The following TRIO variants were observed in gnomAD, a reference collection of about 807,000 sequenced individuals.
TRIO encodes the protein trio Rho guanine nucleotide exchange factor.
Under a neutral mutation model 351.9 loss-of-function variants are expected in TRIO, and 58 were observed. The observed-to-expected ratio is 0.16, with a 90% CI of 0.13 to 0.21. The LOEUF is 0.21. TRIO is among the 10% of genes least tolerant of loss of function. The pLI, the probability that TRIO is intolerant of heterozygous loss-of-function variation, is 1.00. For missense variants in TRIO, 3,201 were observed against 4,027.8 expected (o/e 0.79, Z 5.56); for synonymous variants, 1,758 against 1,595.7 (o/e 1.10, Z -2.42).
chr5:14,162,873 C>T (rs1174553115), intron 1 of TRIO, among the ~76,000 whole-genome samples: 1 of 152,170 alleles, frequency 6.6e-6, no homozygotes, highest in East Asian at 1.9e-4. Flanking sequence ...GTGGCACGAT[C>T]TTGGCTCACT....
chr5:14,181,264 A>G (rs1226932445), intron 1 of TRIO, among the ~76,000 whole-genome samples: 1 of 152,224 alleles, frequency 6.6e-6, no homozygotes, highest in East Asian at 1.9e-4. Flanking sequence ...AGAACCATGA[A>G]AAGGAAATGT....
rs539577559 is a variant in TRIO at position 14,413,262 on chromosome 5, C to T, written c.4960-6516C>T. ...GGCCTGATGAATTGTGGTGGCTCAACTGCAAAATTCTGTGTGTGGAATGGG... is the reference window on the plus strand; with the variant it reads ...GGCCTGATGAATTGTGGTGGCTCAATTGCAAAATTCTGTGTGTGGAATGGG... On this transcript the variant is annotated intron_variant, in intron 33 of 56. Transcript: ENST00000344204. 4.6e-5 allele frequency among the ~76,000 whole-genome samples: 7 copies of T among 152,208 alleles called. 1 individual carries two copies. The highest frequency in any genetic ancestry group is 1.9e-4 in the East Asian group (1 of 5,198).
At chr5:14,251,943 A>G (rs1274192328) in intron 1 of TRIO, among the ~76,000 whole-genome samples, 1 of 147,924 alleles carries the variant, frequency 6.8e-6, no homozygotes, top group Non-Finnish European at 1.5e-5. Flanking sequence ...GCAGAGCCTT[A>G]CCAGATGGTT....
At chr5:14,481,943 A>G (rs1370941221) in intron 45 of TRIO, 4 of 294,742 alleles carry the variant, frequency 1.4e-5, no homozygotes, top group African/African-American at 4.4e-5. Flanking sequence ...ATGGTTAGCT[A>G]TGGATGTAGT....
At chr5:14,235,771 G>A (rs745314798) in intron 1 of TRIO, among the ~76,000 whole-genome samples, 29 of 151,546 alleles carry the variant, frequency 1.9e-4, no homozygotes, top group Non-Finnish European at 3.4e-4. Context: ...TTATGGATAG[G>A]GGATATAGGC....
In TRIO at chr5:14,489,437, T is replaced by C. The variant is rs138135105; in HGVS notation, c.7632+1177T>C. On this transcript the variant is annotated intron_variant, in intron 48 of 56. Coordinates refer to ENST00000344204, the MANE Select transcript of TRIO (RefSeq NM_007118.4). Reference sequence around the variant, plus strand: ...GGACGTGCTAGGTAGGCAGGTATGCTAGGCGGGTGAGCATAGATTTGAGTC... The same window carrying C: ...GGACGTGCTAGGTAGGCAGGTATGCCAGGCGGGTGAGCATAGATTTGAGTC... 2.9e-4 allele frequency among the ~76,000 whole-genome samples: 44 copies of C among 152,308 alleles called. 1 individual carries two copies. The East Asian group carries it at 7.7e-3, about 27-fold the overall frequency.
chr5:14,324,208 A>G (rs1408730522), intron 9 of TRIO, among the ~76,000 whole-genome samples: 2 of 152,234 alleles, frequency 1.3e-5, no homozygotes, highest in African/African-American at 2.4e-5. Flanking sequence ...CAACTGGAAA[A>G]AAAATCTGAC....
At chr5:14,379,093 T>TG (rs1297703513) in intron 20 of TRIO, among the ~76,000 whole-genome samples, 1 of 152,162 alleles carries the variant, frequency 6.6e-6, no homozygotes, top group African/African-American at 2.4e-5. Flanking sequence ...ATCCAGAATT[T>TG]GGGGGGTCTG....
At chr5:14,299,883 G>A (rs954958906) in intron 7 of TRIO, among the ~76,000 whole-genome samples, 1 of 152,220 alleles carries the variant, frequency 6.6e-6, no homozygotes. Context: ...ACAGCTCTTA[G>A]CTGCACCGTC....
At chr5:14,248,796 C>T (rs75703852) in intron 1 of TRIO, among the ~76,000 whole-genome samples, 17,154 of 152,246 alleles carry the variant, frequency 0.11, 1,280 homozygotes, top group African/African-American at 0.21. Flanking sequence ...CTGTAATCCT[C>T]AGAGCAAGCC....
chr5:14,274,233 G>A (rs1432164832), intron 2 of TRIO, among the ~76,000 whole-genome samples: 3 of 152,154 alleles, frequency 2.0e-5, no homozygotes, highest in Non-Finnish European at 4.4e-5. Flanking sequence ...ACCTCCTGAT[G>A]TTTTAGGAAG....
intron 37 of TRIO, among the ~76,000 whole-genome samples, chr5:14,470,973 G>T (rs1256014978): frequency 6.6e-6 from 1 of 152,190 alleles, no homozygotes; most frequent in Non-Finnish European, 1.5e-5. Context: ...TAAGAAAATT[G>T]CTAGATATTA....
At chr5:14,440,928 G>A (rs1349182851) in intron 34 of TRIO, 1 of 152,234 alleles carries the variant, frequency 6.6e-6, no homozygotes, top group Non-Finnish European at 1.5e-5. Context: ...ATTTCCTTGA[G>A]CTCCAATTAG....
At chr5:14,371,822 TGTAGTAATGGA>T (rs1342478317) in intron 18 of TRIO, among the ~76,000 whole-genome samples, 1 of 151,964 alleles carries the variant, frequency 6.6e-6, no homozygotes, top group Non-Finnish European at 1.5e-5. Context: ...TGTATTTTTT[TGTAGTAATGGA>T]GTCTCCTTAT....
chr5:14,285,029 C>G (rs1736320047), intron 3 of TRIO, among the ~76,000 whole-genome samples: 1 of 152,078 alleles, frequency 6.6e-6, no homozygotes, highest in Admixed American at 6.5e-5. Context: ...GTCTAGAATG[C>G]TTAATTTCCA....
At chr5:14,342,997 T>C (rs1215410193) in intron 11 of TRIO, among the ~76,000 whole-genome samples, 2 of 152,092 alleles carry the variant, frequency 1.3e-5, no homozygotes, top group African/African-American at 2.4e-5. Flanking sequence ...ACCATTTGTT[T>C]GTACCTCCAA....
chr5:14,497,761 C>T lies in TRIO; in HGVS notation c.8020-86C>T. 1 of 1,564,404 alleles carries T rather than the reference C, an allele frequency of 6.4e-7. No homozygotes were observed. Among genetic ancestry groups the T allele is most frequent in the Non-Finnish European group, 8.8e-7 (1 of 1,136,222 alleles). On this transcript the variant is annotated intron_variant, in intron 50 of 56. Coordinates refer to ENST00000344204, the MANE Select transcript of TRIO (RefSeq NM_007118.4). The surrounding 1 kb of genome is among the most constrained non-coding windows in gnomAD (Gnocchi z 4.4). ...GGCAAGTCAGTTTCTGCAAATCTTT[C>T]AACAATAATTGTAGCCCTGGAATGA...
intron 1 of TRIO, among the ~76,000 whole-genome samples, chr5:14,214,386 TCA>T (rs372925743): frequency 1.3e-5 from 2 of 152,186 alleles, no homozygotes; most frequent in African/African-American, 4.8e-5. Flanking sequence ...TGTCCAAGAC[TCA>T]CAGATGTTTG....
intron 11 of TRIO, among the ~76,000 whole-genome samples, chr5:14,355,570 C>T (rs1488350627): frequency 1.3e-5 from 2 of 152,234 alleles, no homozygotes; most frequent in Non-Finnish European, 2.9e-5. Context: ...TCGCCTTACT[C>T]TAAATCTTAT....
Sources: allele counts gnomAD v4.1 joint callset (sites outside exome capture counted in the v4.1 genomes callset), GRCh38; gene constraint gnomAD v4.1.1; non-coding constraint Gnocchi (gnomAD v3.1); transcripts MANE v1.5; gene names NCBI Gene and HGNC (gene_info 2026-07-23, HGNC 2026-07-21).